Variants in ERC2 observed in about 807,000 individuals in gnomAD.
ERC2 encodes the protein ELKS/RAB6-interacting/CAST family member 2.
ERC2 carries 42 observed loss-of-function variants against 114.8 expected under a neutral mutation model. That is an observed-to-expected ratio of 0.37 (90% CI 0.29 to 0.47). The LOEUF is 0.47. Ranked by LOEUF, ERC2 falls within the 20% of genes least tolerant of loss-of-function variation. The pLI is 0.99. For synonymous variants in ERC2, 454 were observed against 425.5 expected (o/e 1.07, Z -0.82); for missense variants, 939 against 1,150.7 (o/e 0.82, Z 2.66).
At chr3:56,211,963 A>T (rs1053490403) in intron 3 of ERC2, among the ~76,000 whole-genome samples, 6 of 152,208 alleles carry the variant, frequency 3.9e-5, no homozygotes, top group Non-Finnish European at 7.4e-5. Flanking sequence ...AAGATGGATC[A>T]AAGACTCAAA....
chr3:55,764,288 A>G (rs998750589), intron 14 of ERC2, among the ~76,000 whole-genome samples: 2 of 152,194 alleles, frequency 1.3e-5, no homozygotes, highest in African/African-American at 2.4e-5. Context: ...CCATTTTTAA[A>G]CCATTTTCTT....
At chr3:56,350,089 G>A (rs114780319) in intron 2 of ERC2, among the ~76,000 whole-genome samples, 3,520 of 152,188 alleles carry the variant, frequency 0.023, 43 homozygotes, top group South Asian at 0.071. Flanking sequence ...CCAGAACAAC[G>A]TCCAAATCTA....
chr3:55,639,392 A>G (rs1425457510), intron 17 of ERC2, among the ~76,000 whole-genome samples: 1 of 152,134 alleles, frequency 6.6e-6, no homozygotes, highest in Non-Finnish European at 1.5e-5. Context: ...CAGCGAAGAC[A>G]ATGTATTCAC....
At chr3:55,674,899 G>A (rs2061715356) in intron 17 of ERC2, among the ~76,000 whole-genome samples, 3 of 152,148 alleles carry the variant, frequency 2.0e-5, no homozygotes, top group Admixed American at 1.3e-4. Flanking sequence ...ACAGCAGAAG[G>A]GCACACGGTG....
chr3:56,359,062 A>G (rs1392816691), intron 2 of ERC2, among the ~76,000 whole-genome samples: 1 of 152,240 alleles, frequency 6.6e-6, no homozygotes, highest in East Asian at 1.9e-4. Flanking sequence ...GTATTTTAAC[A>G]TGTGTGTACG....
chr3:56,312,808 G>A (rs912218313), intron 2 of ERC2, among the ~76,000 whole-genome samples: 8 of 149,368 alleles, frequency 5.4e-5, no homozygotes, highest in Non-Finnish European at 1.0e-4. Flanking sequence ...ATAATGTACA[G>A]AAAAAAATTG....
At chr3:55,846,295 G>C (rs1244374996) in intron 14 of ERC2, among the ~76,000 whole-genome samples, 1 of 152,128 alleles carries the variant, frequency 6.6e-6, no homozygotes, top group Non-Finnish European at 1.5e-5. Flanking sequence ...ATGGCCTCTA[G>C]CTCTATCCAT....
At chr3:56,124,636 A>G (rs570176178) in intron 6 of ERC2, among the ~76,000 whole-genome samples, 35 of 152,354 alleles carry the variant, frequency 2.3e-4, no homozygotes, top group Admixed American at 9.1e-4. Context: ...CTCCATTCTC[A>G]AGAAACTGAG....
At chr3:56,087,672 C>T (rs189004173) in intron 6 of ERC2, among the ~76,000 whole-genome samples, 62 of 152,208 alleles carry the variant, frequency 4.1e-4, no homozygotes, top group Admixed American at 7.2e-4. Context: ...TGCTTGACAA[C>T]GCTTCAAGAA....
At chr3:55,921,138 G>C (rs1174907626) in intron 13 of ERC2, among the ~76,000 whole-genome samples, 1 of 152,042 alleles carries the variant, frequency 6.6e-6, no homozygotes, top group Non-Finnish European at 1.5e-5. Flanking sequence ...TTAACTACAT[G>C]GTTCATATTT....
intron 3 of ERC2, among the ~76,000 whole-genome samples, chr3:56,279,157 T>C (rs2054190707): frequency 6.6e-6 from 1 of 152,160 alleles, no homozygotes; most frequent in Admixed American, 6.5e-5. Context: ...AATCTGATCC[T>C]TCACAAAAGA....
chr3:55,988,136 G>C (rs6773433), intron 11 of ERC2, among the ~76,000 whole-genome samples: 49,860 of 152,074 alleles, frequency 0.33, 8,794 homozygotes, highest in East Asian at 0.5. Context: ...AAAACTCAGA[G>C]ACCTTGATGG....
intron 1 of ERC2, among the ~76,000 whole-genome samples, chr3:56,447,331 C>T (rs531675198): frequency 1.3e-5 from 2 of 152,294 alleles, no homozygotes; most frequent in Admixed American, 1.3e-4. Context: ...ATGGGCTGGT[C>T]GGACAGATTG....
At chr3:55,744,585 C>G (rs115327814) in intron 14 of ERC2, among the ~76,000 whole-genome samples, 1 of 152,132 alleles carries the variant, frequency 6.6e-6, no homozygotes, top group Admixed American at 6.5e-5. Flanking sequence ...AGACCGATTG[C>G]GGGCCACCGC....
chr3:55,704,790 G>T (rs1223964273), intron 15 of ERC2, among the ~76,000 whole-genome samples: 2 of 152,242 alleles, frequency 1.3e-5, no homozygotes, highest in African/African-American at 4.8e-5. Flanking sequence ...AAGAATAAAT[G>T]ATGTAAAGGC....
intron 15 of ERC2, among the ~76,000 whole-genome samples, chr3:55,734,236 G>A (rs1022811011): frequency 1.3e-5 from 2 of 152,130 alleles, no homozygotes; most frequent in Non-Finnish European, 2.9e-5. Flanking sequence ...ATGGCTGGGT[G>A]GTCTCTAAGC....
intron 2 of ERC2, among the ~76,000 whole-genome samples, chr3:56,404,773 T>C (rs2060649169): frequency 6.6e-6 from 1 of 152,008 alleles, no homozygotes; most frequent in South Asian, 2.1e-4. Context: ...AAGGGTCTAA[T>C]AATCCAGTGG....
intron 14 of ERC2, among the ~76,000 whole-genome samples, chr3:55,835,206 T>G (rs150068229): frequency 0.081 from 12,352 of 152,108 alleles, 748 homozygotes; most frequent in African/African-American, 0.17. Context: ...CTTCTGAAAC[T>G]ATTCCAACGA....
intron 14 of ERC2, among the ~76,000 whole-genome samples, chr3:55,834,118 G>A (rs538829080): frequency 3.3e-5 from 5 of 151,814 alleles, no homozygotes; most frequent in Non-Finnish European, 5.9e-5. Flanking sequence ...AGCAAGTCCT[G>A]AGTGACCTAC....
Sources: gnomAD v4.1 joint callset for allele counts (sites outside exome capture counted in the v4.1 genomes callset) on GRCh38, gnomAD v4.1.1 for gene constraint, MANE v1.5 for transcripts, NCBI Gene and HGNC (gene_info 2026-07-23, HGNC 2026-07-21) for gene names.